Variants in UNC13C observed in about 807,000 individuals in gnomAD.
UNC13C encodes unc-13 homolog C.
In UNC13C, 174 loss-of-function variants were observed where a neutral mutation model predicts 245.4. The ratio of observed to expected loss-of-function variants is 0.71; its 90% CI spans 0.63 to 0.80. The LOEUF (loss-of-function observed/expected upper bound fraction) is 0.80, where lower values mean the gene tolerates loss of function less well. Among genes scored for constraint, UNC13C ranks in the 30% least tolerant of loss-of-function variants. UNC13C has a pLI of 0.00. For missense variants in UNC13C, 2,829 were observed against 2,602.9 expected (o/e 1.09, Z -1.89); for synonymous variants, 992 against 895.1 (o/e 1.11, Z -1.93).
At chr15:54,020,338 G>T (rs1336803862) in intron 2 of UNC13C, among the ~76,000 whole-genome samples, 1 of 146,798 alleles carries the variant, frequency 6.8e-6, no homozygotes, top group Non-Finnish European at 1.5e-5. Flanking sequence ...GCAGTGGCAC[G>T]ATCTCAGCTC....
intron 17 of UNC13C, among the ~76,000 whole-genome samples, chr15:54,368,323 C>A (rs2039412411): frequency 6.6e-6 from 1 of 151,938 alleles, no homozygotes. Context: ...TTCTTTTATT[C>A]TTTTCCTTTC....
chr15:54,553,378 T>G (rs1228795091), intron 28 of UNC13C, among the ~76,000 whole-genome samples: 1 of 128,606 alleles, frequency 7.8e-6, no homozygotes, highest in East Asian at 2.2e-4. Context: ...AATTATATTA[T>G]ATTATGTATT....
intron 1 of UNC13C, among the ~76,000 whole-genome samples, chr15:53,986,173 T>G (rs979147917): frequency 6.6e-6 from 1 of 152,032 alleles, no homozygotes; most frequent in African/African-American, 2.4e-5. Context: ...CTGTGATATT[T>G]TATGTTGGAA....
chr15:54,563,104 T>C (rs1479627896), intron 29 of UNC13C, among the ~76,000 whole-genome samples: 1 of 152,038 alleles, frequency 6.6e-6, no homozygotes, highest in Non-Finnish European at 1.5e-5. Context: ...TTGATATGTA[T>C]TATGAATTCT....
At chr15:54,551,169 C>T (rs370561253) in intron 28 of UNC13C, among the ~76,000 whole-genome samples, 2 of 152,248 alleles carry the variant, frequency 1.3e-5, no homozygotes, top group Admixed American at 6.5e-5. Context: ...TGCCTCTCAA[C>T]TCTGCCCTTC....
At chr15:54,251,644 T>G (rs1261997690) in intron 8 of UNC13C, among the ~76,000 whole-genome samples, 1 of 152,250 alleles carries the variant, frequency 6.6e-6, no homozygotes, top group African/African-American at 2.4e-5. Context: ...GTAGTGTCAC[T>G]TAAAAATTGC....
intron 16 of UNC13C, among the ~76,000 whole-genome samples, chr15:54,334,980 G>GAA (rs906491023): frequency 8.1e-5 from 12 of 147,614 alleles, no homozygotes; most frequent in African/African-American, 3.0e-4. Context: ...CTATTTCAAT[G>GAA]AAAAAAAAAA....
At chr15:54,534,732 A>T (rs1459466208) in intron 26 of UNC13C, among the ~76,000 whole-genome samples, 1 of 152,236 alleles carries the variant, frequency 6.6e-6, no homozygotes, top group Admixed American at 6.5e-5. Context: ...TTTAAGAAAG[A>T]ATCAAAGTGG....
At chr15:54,520,551 T>C (rs1895171496) in intron 24 of UNC13C, among the ~76,000 whole-genome samples, 1 of 151,946 alleles carries the variant, frequency 6.6e-6, no homozygotes, top group Non-Finnish European at 1.5e-5. Context: ...ATTTAATTGC[T>C]CAAGGGGAGT....
chr15:54,179,582 C>G (rs917172181), intron 4 of UNC13C, among the ~76,000 whole-genome samples: 28 of 151,864 alleles, frequency 1.8e-4, no homozygotes, highest in African/African-American at 5.1e-4. Flanking sequence ...CTAAAGGAAG[C>G]TCTGAAAGAA....
At chr15:54,332,233 A>T in intron 15 of UNC13C, 122 bp downstream of exon 15, 1 of 662,778 alleles carries the variant, frequency 1.5e-6, no homozygotes, top group Non-Finnish European at 2.5e-6. Context: ...AGGTGCTGTT[A>T]CCCTTAGAAA....
intron 4 of UNC13C, among the ~76,000 whole-genome samples, chr15:54,153,286 C>T (rs1297478411): frequency 2.0e-5 from 3 of 151,706 alleles, no homozygotes; most frequent in Non-Finnish European, 4.4e-5. Flanking sequence ...CTTTAGATGT[C>T]ATTTAAAAAT....
chr15:54,631,365 T>C (rs529207816), downstream of UNC13C: 1 of 152,212 alleles, frequency 6.6e-6, no homozygotes, highest in Non-Finnish European at 1.5e-5. Flanking sequence ...GCATATTTTT[T>C]AATTTGCATA....
chr15:54,226,514 T>A (rs1401374882), intron 4 of UNC13C, among the ~76,000 whole-genome samples: 1 of 152,158 alleles, frequency 6.6e-6, no homozygotes, highest in African/African-American at 2.4e-5. Context: ...ACCAGGACCT[T>A]CTGCTTGAGT....
At chr15:54,618,804 C>T (rs1440414836) in intron 30 of UNC13C, among the ~76,000 whole-genome samples, 1 of 152,050 alleles carries the variant, frequency 6.6e-6, no homozygotes, top group African/African-American at 2.4e-5. Flanking sequence ...GTTCTTTTCA[C>T]AGTAATACAG....
chr15:54,170,909 G>A (rs944110323), intron 4 of UNC13C, among the ~76,000 whole-genome samples: 1 of 152,146 alleles, frequency 6.6e-6, no homozygotes, highest in African/African-American at 2.4e-5. Context: ...GTCTGCGCAA[G>A]ACTCAGATGG....
At chr15:54,338,942 C>T (rs912759597) in intron 17 of UNC13C, among the ~76,000 whole-genome samples, 24 of 152,228 alleles carry the variant, frequency 1.6e-4, no homozygotes, top group African/African-American at 5.1e-4. Context: ...TCTCGGCTCA[C>T]TGCAACCTCT....
chr15:53,848,110 T>C, the UNC13C span, among the ~76,000 whole-genome samples: 1 of 150,896 alleles, frequency 6.6e-6, no homozygotes, highest in Non-Finnish European at 1.5e-5. Flanking sequence ...CTCTCTCTTA[T>C]TGATCAGTCT....
intron 2 of UNC13C, among the ~76,000 whole-genome samples, chr15:54,139,565 C>CG (rs1567043173): frequency 1.3e-5 from 2 of 152,176 alleles, no homozygotes; most frequent in African/African-American, 2.4e-5. Context: ...TCATGCTCAT[C>CG]AACTATGCAT....
Sources: gnomAD v4.1 joint callset for allele counts (sites outside exome capture counted in the v4.1 genomes callset) on GRCh38, gnomAD v4.1.1 for gene constraint, MANE v1.5 for transcripts, NCBI Gene and HGNC (gene_info 2026-07-23, HGNC 2026-07-21) for gene names.